CFAP299: variants seen among roughly 807,000 people sequenced by gnomAD.
The protein encoded by CFAP299 is cilia and flagella associated protein 299, also known as cilia- and flagella-associated protein 299.
A neutral mutation model predicts 27.0 loss-of-function variants in CFAP299; 21 were observed. The ratio of observed to expected loss-of-function variants is 0.78; its 90% confidence interval spans 0.55 to 1.12. CFAP299 has a LOEUF of 1.12. Among genes scored for constraint, CFAP299 ranks in the 50% most tolerant of loss-of-function variants. The probability of loss-of-function intolerance (pLI) is 0.00; values close to 1 mark genes in which losing one functional copy is unlikely to be tolerated. For synonymous variants in CFAP299, 104 were observed against 98.1 expected (o/e 1.06, Z -0.36); for missense variants, 310 against 276.6 (o/e 1.12, Z -0.86).
In CFAP299 at chr4:80,857,507, G is replaced by C. The variant is rs1374095366; in HGVS notation, c.334-12486G>C. Among the ~76,000 whole-genome samples the C allele has an allele frequency of 3.3e-5, 5 of 152,264 alleles. No homozygotes were observed. In the South Asian group the frequency reaches 1.0e-3, roughly 32 times the overall value. On this transcript the variant is annotated intron_variant, in intron 3 of 5. Coordinates refer to ENST00000358105, the MANE Select transcript of CFAP299 (RefSeq NM_152770.3). ...CCAGTTTTCAAAGGGAATGCTTCCAGTTTTTGCCCATTCAGTATGATATTG... is the reference window on the plus strand; with the variant it reads ...CCAGTTTTCAAAGGGAATGCTTCCACTTTTTGCCCATTCAGTATGATATTG...
At chr4:80,738,473 A>G (rs72864890) in intron 3 of CFAP299, among the ~76,000 whole-genome samples, 8,666 of 152,032 alleles carry the variant, frequency 0.057, 367 homozygotes, top group East Asian at 0.22. Context: ...ACCCTTTAAC[A>G]TTGTATAATG....
chr4:80,344,541 G>A (rs1263164338), intron 1 of CFAP299, among the ~76,000 whole-genome samples: 2 of 152,134 alleles, frequency 1.3e-5, no homozygotes, highest in South Asian at 4.2e-4. Context: ...AAGACCAGAT[G>A]TATTTACACC....
In CFAP299 at chr4:80,440,146, C is replaced by T. The variant is rs1728288459; in HGVS notation, c.242+77262C>T. 3.3e-5 allele frequency among the ~76,000 whole-genome samples: 5 copies of T among 152,294 alleles called. No individual in the cohort carries two copies. The South Asian group carries it at 1.0e-3, about 32-fold the overall frequency. On this transcript the variant is annotated intron_variant, in intron 2 of 5. Coordinates refer to ENST00000358105, the MANE Select transcript of CFAP299 (RefSeq NM_152770.3). ...ACAGCTTCAGCAGACTTAAACGTTC[C>T]TGCCTGCCAGCTCTGAAAAGAGCAG...
chr4:80,334,628 A>G (rs761938121), upstream of CFAP299, among the ~76,000 whole-genome samples: 1 of 152,160 alleles, frequency 6.6e-6, no homozygotes, highest in Non-Finnish European at 1.5e-5. Context: ...TCCCAAATTC[A>G]ATAATTAAAT....
At chr4:80,569,054 A>G (rs1248637215) in intron 2 of CFAP299, among the ~76,000 whole-genome samples, 1 of 152,066 alleles carries the variant, frequency 6.6e-6, no homozygotes, top group Non-Finnish European at 1.5e-5. Context: ...CTCTGTTAGC[A>G]ACACTCCCTC....
At chr4:80,519,238 G>A (rs939145951) in intron 2 of CFAP299, among the ~76,000 whole-genome samples, 7 of 151,608 alleles carry the variant, frequency 4.6e-5, no homozygotes, top group Admixed American at 3.3e-4. Context: ...ATGGAGTCTC[G>A]CTCTGTCACC....
At chr4:80,578,664 C>G (rs1196430204) in intron 2 of CFAP299, among the ~76,000 whole-genome samples, 1 of 152,096 alleles carries the variant, frequency 6.6e-6, no homozygotes, top group Non-Finnish European at 1.5e-5. Flanking sequence ...CTTTAGACCA[C>G]AAGTTTTACA....
At chr4:80,877,929 T>C (rs1455052286) in intron 4 of CFAP299, among the ~76,000 whole-genome samples, 1 of 152,158 alleles carries the variant, frequency 6.6e-6, no homozygotes, top group Non-Finnish European at 1.5e-5. Context: ...ATGTTTGTAC[T>C]ATTTGAAAGT....
At position 80,724,298 on chromosome 4, in the gene CFAP299, C is replaced by T. The variant is rs968075529; in HGVS notation, c.333+141115C>T. On this transcript the variant is annotated intron_variant, in intron 3 of 5. Transcript: ENST00000358105. ...CAGAACGGCATGTGTCAGAAGCAAACTGGGCAATTGGGATTTCTTCCAATT... is the reference window on the plus strand; with the variant it reads ...CAGAACGGCATGTGTCAGAAGCAAATTGGGCAATTGGGATTTCTTCCAATT... 1.6e-4 allele frequency among the ~76,000 whole-genome samples: 25 copies of T among 152,130 alleles called. 1 individual carries two copies. The highest frequency in any genetic ancestry group is 5.8e-4 in the African/African-American group (24 of 41,540).
chr4:80,686,745 A>G (rs1437029510), intron 3 of CFAP299, among the ~76,000 whole-genome samples: 2 of 152,150 alleles, frequency 1.3e-5, no homozygotes, highest in African/African-American at 2.4e-5. Context: ...TTGTGATGTG[A>G]AGCAGCTGTC....
chr4:80,931,431 A>G (rs530662811), intron 4 of CFAP299, among the ~76,000 whole-genome samples: 1 of 152,236 alleles, frequency 6.6e-6, no homozygotes, highest in East Asian at 1.9e-4. Flanking sequence ...CCATTCAAAC[A>G]AGACAATTGG....
chr4:80,871,182 C>T, intron 4 of CFAP299: 1 of 982,014 alleles, frequency 1.0e-6, no homozygotes. Flanking sequence ...GCTGGGATTA[C>T]AGGCGTCAGC....
At chr4:80,410,429 G>T (rs11932267) in intron 2 of CFAP299, among the ~76,000 whole-genome samples, 1 of 152,002 alleles carries the variant, frequency 6.6e-6, no homozygotes, top group African/African-American at 2.4e-5. Flanking sequence ...TTTTCACCCT[G>T]GTGGGAGTTG....
chr4:80,682,518 A>G (rs1479820451), intron 3 of CFAP299, among the ~76,000 whole-genome samples: 7 of 152,122 alleles, frequency 4.6e-5, no homozygotes, highest in Admixed American at 2.6e-4. Context: ...TTTTCTATCT[A>G]AAATTTTTCC....
rs184092133 is a variant in CFAP299, at chr4:80,651,914, T to C, written c.333+68731T>C. On this transcript the variant is annotated intron_variant, in intron 3 of 5. Coordinates refer to ENST00000358105, the MANE Select transcript of CFAP299 (RefSeq NM_152770.3). ...AGAGGAATCATTTGAATTGCAAGGG[T>C]GAGTTGAAAATGTCTTGCGGTTAAT... is the stretch of plus-strand genomic sequence containing the variant. Among the ~76,000 whole-genome samples, 273 of 152,190 alleles carry C rather than the reference T, an allele frequency of 1.8e-3. 1 individual carries two copies. Among genetic ancestry groups the C allele is most frequent in the Non-Finnish European group, 1.2e-3 (83 of 68,008 alleles).
Position 80,335,784 on chromosome 4 carries a change from G to C in CFAP299, c.16G>C (p.Gly6Arg). 1.2e-6 allele frequency: 2 copies of C among 1,612,190 alleles called. No individual in the cohort carries two copies. The highest frequency in any genetic ancestry group is 1.7e-6 in the Non-Finnish European group (2 of 1,178,228). MDQEE[G>R]LKALDNIVTQ... ...GGATACCGCAATGGATCAGGAAGAG[G>C]GGCTGAAGGCCTTGGACAATATTGT... The change falls in exon 1 of 6, where the codon GGG (glycine) becomes CGG (arginine). Residue 6 changes from glycine to arginine, a missense_variant. Transcript: ENST00000358105.
intron 4 of CFAP299, among the ~76,000 whole-genome samples, chr4:80,895,005 A>T (rs760892179): frequency 6.6e-6 from 1 of 151,968 alleles, no homozygotes; most frequent in Non-Finnish European, 1.5e-5. Context: ...ACATTAAGGG[A>T]GTTCAGGGGC....
At chr4:80,428,052 CT>C (rs1298276978) in intron 2 of CFAP299, among the ~76,000 whole-genome samples, 3 of 152,130 alleles carry the variant, frequency 2.0e-5, no homozygotes, top group African/African-American at 7.2e-5. Context: ...AGTTAATATG[CT>C]AGACAGCAAG....
chr4:80,543,253 A>G (rs181072199), intron 2 of CFAP299, among the ~76,000 whole-genome samples: 2 of 152,346 alleles, frequency 1.3e-5, no homozygotes, highest in East Asian at 3.9e-4. Context: ...CAGCCCTCAT[A>G]GGTGAGAAAG....
Sources: gnomAD v4.1 joint callset for allele counts (sites outside exome capture counted in the v4.1 genomes callset) on GRCh38, gnomAD v4.1.1 for gene constraint, MANE v1.5 for transcripts, NCBI Gene and HGNC (gene_info 2026-07-23, HGNC 2026-07-21) for gene names.